PPFIA2: variants seen among roughly 807,000 people sequenced by gnomAD.
The protein encoded by PPFIA2 is PPFI scaffold protein A2.
PPFIA2 carries 46 observed loss-of-function variants against 175.5 expected under a neutral mutation model. The observed-to-expected ratio is 0.26, with a 90% CI of 0.21 to 0.34. The LOEUF is 0.34. Among genes scored for constraint, PPFIA2 ranks in the 10% least tolerant of loss-of-function variants. The pLI, the probability that PPFIA2 is intolerant of heterozygous loss-of-function variation, is 1.00. For missense variants in PPFIA2, 1,179 were observed against 1,506.1 expected, an observed-to-expected ratio of 0.78 and a Z score of 3.60; for synonymous variants, 568 against 511.4, an observed-to-expected ratio of 1.11 and a Z score of -1.49.
At chr12:81,687,882 T>C (rs2074664599) in intron 3 of PPFIA2, among the ~76,000 whole-genome samples, 1 of 151,952 alleles carries the variant, frequency 6.6e-6, no homozygotes. Context: ...GTTACACATG[T>C]GTAAAATAAA....
At chr12:81,736,538 C>G (rs939658423) in intron 3 of PPFIA2, among the ~76,000 whole-genome samples, 6 of 151,998 alleles carry the variant, frequency 3.9e-5, no homozygotes, top group African/African-American at 1.4e-4. Context: ...ACAGATAACT[C>G]TGCAGCTGTG....
At chr12:81,508,881 T>G (rs2061485679) in intron 4 of PPFIA2, among the ~76,000 whole-genome samples, 1 of 151,642 alleles carries the variant, frequency 6.6e-6, no homozygotes, top group African/African-American at 2.4e-5. Context: ...TTTTTGTTCT[T>G]GCGATAGTTT....
intron 23 of PPFIA2, 64 bp from the exon 24 acceptor site, chr12:81,295,099 T>C (rs1237161468): frequency 2.8e-6 from 4 of 1,430,920 alleles, no homozygotes; most frequent in Non-Finnish European, 3.8e-6. Context: ...GTGTCTCATA[T>C]GCTAGGAATT....
chr12:81,524,568 A>G (rs1449328435), intron 4 of PPFIA2, among the ~76,000 whole-genome samples: 1 of 152,084 alleles, frequency 6.6e-6, no homozygotes, highest in Non-Finnish European at 1.5e-5. Flanking sequence ...GTTTTATTTC[A>G]CTGGTTCACA....
chr12:81,643,548 A>G (rs956237898), intron 4 of PPFIA2, among the ~76,000 whole-genome samples: 2 of 152,034 alleles, frequency 1.3e-5, no homozygotes, highest in Non-Finnish European at 2.9e-5. Context: ...GTTATAACCA[A>G]TCAATCCTGG....
At chr12:81,362,880 G>A (rs1217678098) in intron 14 of PPFIA2, 96 bp from the exon 15 acceptor site, 21 of 716,284 alleles carry the variant, frequency 2.9e-5, no homozygotes, top group South Asian at 1.7e-4. Flanking sequence ...AGGAAAAACT[G>A]AGGATATATT....
At chr12:81,264,569 TCAA>T (rs2036626819) in intron 30 of PPFIA2, among the ~76,000 whole-genome samples, 1 of 152,190 alleles carries the variant, frequency 6.6e-6, no homozygotes, top group South Asian at 2.1e-4. Flanking sequence ...CTATATTCAC[TCAA>T]CATAGTAATT....
intron 7 of PPFIA2, among the ~76,000 whole-genome samples, chr12:81,409,386 C>G (rs2043501872): frequency 6.6e-6 from 1 of 152,112 alleles, no homozygotes; most frequent in Non-Finnish European, 1.5e-5. Flanking sequence ...GGACCTTTAA[C>G]AGGTTTTTAC....
intron 4 of PPFIA2, among the ~76,000 whole-genome samples, chr12:81,593,401 TAATA>T (rs2058898563): frequency 6.6e-6 from 1 of 152,196 alleles, no homozygotes; most frequent in Admixed American, 6.5e-5. Flanking sequence ...CTATCCCTAT[TAATA>T]AATAGTTACG....
chr12:81,562,318 G>C (rs1046501284), intron 4 of PPFIA2, among the ~76,000 whole-genome samples: 1 of 152,062 alleles, frequency 6.6e-6, no homozygotes, highest in African/African-American at 2.4e-5. Context: ...GATGTTCTTT[G>C]AATATAAAAT....
chr12:81,646,062 G>A (rs901076744), intron 4 of PPFIA2, among the ~76,000 whole-genome samples: 1 of 152,124 alleles, frequency 6.6e-6, no homozygotes, highest in South Asian at 2.1e-4. Flanking sequence ...CAAAGAGACA[G>A]GAGACACTCT....
intron 4 of PPFIA2, among the ~76,000 whole-genome samples, chr12:81,583,634 C>T (rs998393989): frequency 5.3e-5 from 8 of 151,888 alleles, no homozygotes; most frequent in African/African-American, 9.7e-5. Context: ...GAACAAGGCT[C>T]TTAGCTGATG....
At chr12:81,708,741 C>A (rs1009855402) in intron 3 of PPFIA2, among the ~76,000 whole-genome samples, 9 of 152,254 alleles carry the variant, frequency 5.9e-5, no homozygotes, top group African/African-American at 9.6e-5. Context: ...TACCTAATAA[C>A]AAATCAGGCC....
chr12:81,519,082 CT>C (rs1469571238), intron 4 of PPFIA2, among the ~76,000 whole-genome samples: 3 of 152,074 alleles, frequency 2.0e-5, no homozygotes. Context: ...TACTTTGAAA[CT>C]TTTCTTCCCT....
rs111279729 is a variant in PPFIA2, at chr12:81,492,612, T to C, written c.304-34746A>G. ...AGACATGTGAGTAGATAAGGGGTAG[T>C]TGGAATATTTCAGAGATGACAGAGT... On this transcript the variant is annotated intron_variant, in intron 4 of 32. Coordinates refer to ENST00000549396, the MANE Select transcript of PPFIA2 (RefSeq NM_003625.5). 1.7e-3 allele frequency among the ~76,000 whole-genome samples: 259 copies of C among 151,916 alleles called. 1 individual carries two copies. Among genetic ancestry groups the C allele is most frequent in the African/African-American group, 5.4e-3 (225 of 41,456 alleles).
At chr12:81,285,896 T>C (rs1593880692) in intron 24 of PPFIA2, among the ~76,000 whole-genome samples, 4 of 152,238 alleles carry the variant, frequency 2.6e-5, no homozygotes, top group East Asian at 3.9e-4. Context: ...AGTAGGTTCC[T>C]TGGGAGGCAT....
At chr12:81,727,946 T>C (rs1416161672) in intron 3 of PPFIA2, among the ~76,000 whole-genome samples, 1 of 151,420 alleles carries the variant, frequency 6.6e-6, no homozygotes, top group Non-Finnish European at 1.5e-5. Context: ...TTTCACGGGT[T>C]TATAAGGTTC....
intron 4 of PPFIA2, among the ~76,000 whole-genome samples, chr12:81,638,682 C>CTTT (rs869311003): frequency 0.25 from 18,161 of 72,786 alleles, 4,318 homozygotes; most frequent in African/African-American, 0.49. Flanking sequence ...CATAAATTTT[C>CTTT]TTTTTTTTTT....
chr12:81,295,322 A>G (rs1250057473), intron 23 of PPFIA2, among the ~76,000 whole-genome samples: 1 of 152,242 alleles, frequency 6.6e-6, no homozygotes, highest in Non-Finnish European at 1.5e-5. Context: ...TAATGGCTGC[A>G]TGGCACCAAG....
Sources: gnomAD v4.1 joint callset for allele counts (sites outside exome capture counted in the v4.1 genomes callset) on GRCh38, gnomAD v4.1.1 for gene constraint, MANE v1.5 for transcripts, NCBI Gene and HGNC (gene_info 2026-07-23, HGNC 2026-07-21) for gene names.